Variants in SMARCB1 observed in about 807,000 individuals in gnomAD.
SMARCB1 encodes the protein SWI/SNF-related matrix-associated actin-dependent regulator of chromatin subfamily B member 1.
SMARCB1 carries 5 observed loss-of-function variants against 49.0 expected under a neutral mutation model. The observed-to-expected ratio is 0.10, with a 90% CI of 0.05 to 0.21. The LOEUF is 0.21. Ranked by LOEUF, SMARCB1 falls within the 10% of genes least tolerant of loss-of-function variation. SMARCB1 has a pLI of 1.00. For missense variants in SMARCB1, 226 were observed against 509.2 expected, an observed-to-expected ratio of 0.44 and a Z score of 5.35; for synonymous variants, 201 against 200.1, an observed-to-expected ratio of 1.00 and a Z score of -0.04.
At position 23,787,055 on chromosome 22, in the gene SMARCB1, C is replaced by A. The variant is rs551328283; in HGVS notation, c.-115C>A. On this transcript the variant is annotated 5_prime_UTR_variant, in exon 1 of 9. Transcript: ENST00000644036. ...CCGGCTGAGGCGCCAGTACCCGGCC[C>A]GGTCCGCATTTCGCCTTCCGGCTTC... The A allele has an allele frequency of 1.4e-6, 1 of 696,282 alleles. No homozygotes were observed. The highest frequency in any genetic ancestry group is 3.2e-5 in the East Asian group (1 of 31,672). 43.1% of individuals were successfully genotyped at this position (696,282 alleles called of 1,614,324 possible).
At chr22:23,824,949 A>T (rs2030299085) in intron 6 of SMARCB1, 3 of 540,050 alleles carry the variant, frequency 5.6e-6, no homozygotes, top group East Asian at 6.5e-5. Context: ...GGGAGATGGG[A>T]TGAAGGTAAG....
chr22:23,808,048 C>T (rs62238983), intron 5 of SMARCB1, among the ~76,000 whole-genome samples: 13,075 of 147,534 alleles, frequency 0.089, 707 homozygotes, highest in East Asian at 0.17. Context: ...CTCCGCCTCC[C>T]GGGTTCATGC....
intron 4 of SMARCB1, chr22:23,801,353 T>G (rs1929145260): frequency 4.3e-6 from 3 of 689,968 alleles, no homozygotes; most frequent in Non-Finnish European, 7.9e-6. Context: ...CCTTGGGCCC[T>G]TTCTCTGCCC....
At chr22:23,793,365 C>G in intron 2 of SMARCB1, 194 bp from the exon 3 acceptor site, 1 of 707,084 alleles carries the variant, frequency 1.4e-6, no homozygotes, top group Non-Finnish European at 2.6e-6. Flanking sequence ...AGGCTCTACC[C>G]AGCAGGACTT....
chr22:23,803,609 G>T lies in SMARCB1; in HGVS notation c.628+187G>T, dbSNP rs556017660. On this transcript the variant is annotated intron_variant, in intron 5 of 8. Coordinates refer to ENST00000644036, the MANE Select transcript of SMARCB1 (RefSeq NM_003073.5). Reference sequence around the variant, plus strand: ...TTCTGTTGCTGTTCACTGTGGATTGGGCCTGTGAACTTTGGACTCTTTCCC... The same window carrying T: ...TTCTGTTGCTGTTCACTGTGGATTGTGCCTGTGAACTTTGGACTCTTTCCC... 1.6e-4 allele frequency: 117 copies of T among 734,476 alleles called. No individual in the cohort carries two copies. In the South Asian group the frequency reaches 1.8e-3, roughly 11 times the overall value. 45.5% of individuals were successfully genotyped at this position (734,476 alleles called of 1,614,324 possible).
chr22:23,795,008 A>C (rs1238021681), intron 3 of SMARCB1, among the ~76,000 whole-genome samples: 1 of 152,218 alleles, frequency 6.6e-6, no homozygotes, highest in Non-Finnish European at 1.5e-5. Context: ...GAATCTATAC[A>C]TCTAGATTTA....
At chr22:23,830,407 C>G (rs9608205) in intron 7 of SMARCB1, among the ~76,000 whole-genome samples, 15,975 of 152,156 alleles carry the variant, frequency 0.1, 875 homozygotes, top group South Asian at 0.17. Context: ...TATTGAGCAT[C>G]TTTGCATGTA....
intron 7 of SMARCB1, among the ~76,000 whole-genome samples, chr22:23,833,072 G>A (rs1448405944): frequency 6.6e-6 from 1 of 152,216 alleles, no homozygotes; most frequent in Non-Finnish European, 1.5e-5. Context: ...GGAACAGGCT[G>A]TGCAGTGGCC....
intron 5 of SMARCB1, among the ~76,000 whole-genome samples, chr22:23,805,310 A>G (rs1929429006): frequency 6.6e-6 from 1 of 151,950 alleles, no homozygotes; most frequent in Non-Finnish European, 1.5e-5. Flanking sequence ...GGGGACAGGT[A>G]CAGTTCACTG....
chr22:23,834,981 TG>T lies in SMARCB1; in HGVS notation c.*804del. On this transcript the variant is annotated 3_prime_UTR_variant, in exon 9 of 9. Coordinates refer to ENST00000644036, the MANE Select transcript of SMARCB1 (RefSeq NM_003073.5). Reference sequence around the variant, plus strand: ...GGGCACTGCTGGGCTGTCGCCAGCCTGGGTGCAGGAGGGCTGTTCTAGCTCC... The same window carrying T: ...GGGCACTGCTGGGCTGTCGCCAGCCTGGTGCAGGAGGGCTGTTCTAGCTCC... 6.5e-7 allele frequency: 1 copy of T among 1,533,792 alleles called. No individual in the cohort carries two copies. The highest frequency in any genetic ancestry group is 1.2e-5 in the South Asian group (1 of 81,694).
chr22:23,837,000 A>G lies in SMARCB1; in HGVS notation c.*2820A>G. ...GCCCGTGTTGAGCACAGGCCAGCAC[A>G]GGTCCCCATCGGTGGGGATCCTTCT... On this transcript the variant is annotated 3_prime_UTR_variant, in exon 9 of 9. Transcript: ENST00000644036. The G allele has an allele frequency of 6.6e-7, 1 of 1,521,762 alleles. No homozygotes were observed. The highest frequency in any genetic ancestry group is 8.9e-7 in the Non-Finnish European group (1 of 1,120,876). 94.3% of individuals were successfully genotyped at this position (1,521,762 alleles called of 1,614,324 possible).
At chr22:23,795,263 G>A (rs1465362718) in intron 3 of SMARCB1, among the ~76,000 whole-genome samples, 1 of 151,924 alleles carries the variant, frequency 6.6e-6, no homozygotes, top group African/African-American at 2.4e-5. Context: ...ATAGTGAGAC[G>A]TTATCTCTAC....
At chr22:23,819,972 G>A (rs542982112) in intron 6 of SMARCB1, among the ~76,000 whole-genome samples, 1 of 152,194 alleles carries the variant, frequency 6.6e-6, no homozygotes, top group South Asian at 2.1e-4. Context: ...TGGGACTACA[G>A]GCGCATGCCA....
chr22:23,806,563 G>A (rs994230144), intron 5 of SMARCB1, among the ~76,000 whole-genome samples: 6 of 152,098 alleles, frequency 3.9e-5, no homozygotes, highest in African/African-American at 1.4e-4. Flanking sequence ...TATCACAGAG[G>A]GATTAAATAT....
rs554531445 is a variant in SMARCB1, at chr22:23,837,139, T to A, written c.*2959T>A. The A allele has an allele frequency of 8.1e-6, 13 of 1,613,874 alleles. No individual in the cohort carries two copies. The Admixed American group carries it at 1.3e-4, about 17-fold the overall frequency. ...GACGTCCTCCAGGAAGTAGTAGATA[T>A]GGCCCACCGCAATCCCTGTGAGACA... is the stretch of plus-strand genomic sequence containing the variant. On this transcript the variant is annotated 3_prime_UTR_variant, in exon 9 of 9. Coordinates refer to ENST00000644036, the MANE Select transcript of SMARCB1 (RefSeq NM_003073.5).
rs954448136 is a variant in SMARCB1, at chr22:23,834,447, A to G, written c.*267A>G. ...ATTTTAGGTTGTGTTTTGTTTTTGT[A>G]TAGGAGCCCCAGGCAGGGCTAGTAA... On this transcript the variant is annotated 3_prime_UTR_variant, in exon 9 of 9. Coordinates refer to ENST00000644036, the MANE Select transcript of SMARCB1 (RefSeq NM_003073.5). 4 of 620,436 alleles carry G rather than the reference A, an allele frequency of 6.4e-6. No individual in the cohort carries two copies. The highest frequency in any genetic ancestry group is 1.2e-5 in the Non-Finnish European group (4 of 342,432). The allele number at this position is 620,436 out of a possible 1,614,324, so 38.4% of individuals were successfully genotyped here.
At chr22:23,792,408 G>A in intron 2 of SMARCB1, 1 of 292,648 alleles carries the variant, frequency 3.4e-6, no homozygotes, top group South Asian at 3.4e-5. Flanking sequence ...GGCTTGCTAG[G>A]TACACTAGTG....
chr22:23,823,801 A>C (rs1362530402), intron 6 of SMARCB1: 1 of 152,216 alleles, frequency 6.6e-6, no homozygotes, highest in Non-Finnish European at 1.5e-5. Flanking sequence ...TCTCTGCCCA[A>C]AACACTTGAT....
At chr22:23,816,664 C>T in intron 5 of SMARCB1, 106 bp from the exon 6 acceptor site, 2 of 1,101,484 alleles carry the variant, frequency 1.8e-6, no homozygotes, top group African/African-American at 1.5e-5. Context: ...GTTGTCCTCT[C>T]CTGCATCCGG....
Sources: gnomAD v4.1 joint callset for allele counts (sites outside exome capture counted in the v4.1 genomes callset) on GRCh38, gnomAD v4.1.1 for gene constraint, MANE v1.5 for transcripts, NCBI Gene and HGNC (gene_info 2026-07-23, HGNC 2026-07-21) for gene names.